EXOC3L4: variants seen among roughly 807,000 people sequenced by gnomAD.
The protein encoded by EXOC3L4 is exocyst complex component 3 like 4.
Under a neutral mutation model 69.7 loss-of-function variants are expected in EXOC3L4, and 62 were observed. The ratio of observed to expected loss-of-function variants is 0.89; its 90% CI spans 0.72 to 1.10. The LOEUF (loss-of-function observed/expected upper bound fraction) is 1.10, where lower values mean the gene tolerates loss of function less well. Among genes scored for constraint, EXOC3L4 ranks in the 50% least tolerant of loss-of-function variants. The pLI, the probability that EXOC3L4 is intolerant of heterozygous loss-of-function variation, is 0.00. For synonymous variants in EXOC3L4, 502 were observed against 464.2 expected, an observed-to-expected ratio of 1.08 and a Z score of -1.05; for missense variants, 1,087 against 1,034.8, an observed-to-expected ratio of 1.05 and a Z score of -0.69.
chr14:103,096,192 A>G (rs1373625088), intron 1 of EXOC3L4, among the ~76,000 whole-genome samples: 1 of 152,078 alleles, frequency 6.6e-6, no homozygotes, highest in African/African-American at 2.4e-5. Flanking sequence ...TGTCTCTACA[A>G]AAAATATAAA....
At chr14:103,095,874 T>C (rs911107430) in intron 1 of EXOC3L4, among the ~76,000 whole-genome samples, 1 of 152,236 alleles carries the variant, frequency 6.6e-6, no homozygotes, top group African/African-American at 2.4e-5. Flanking sequence ...CTATGAATAA[T>C]GACAGTTTAA....
chr14:103,100,733 G>A (rs1890142855), intron 2 of EXOC3L4, 120 bp downstream of exon 2: 3 of 1,272,286 alleles, frequency 2.4e-6, no homozygotes, highest in Admixed American at 5.7e-5. Context: ...CCCCGAACAT[G>A]TGCAATTCTT....
chr14:103,104,493 C>T lies in EXOC3L4; in HGVS notation c.1284+104C>T, dbSNP rs1468917347. On this transcript the variant is annotated intron_variant, in intron 5 of 11. Coordinates refer to ENST00000688303, the MANE Select transcript of EXOC3L4 (RefSeq NM_001077594.2). ...CCTATCCAGTCCCAACCAACCCTTC[C>T]GTTAGATGGGAGCCTGAGGCCCCAC... 1.2e-5 allele frequency: 17 copies of T among 1,393,272 alleles called. No individual in the cohort carries two copies. In the Admixed American group the frequency reaches 3.5e-4, roughly 29 times the overall value. The allele number at this position is 1,393,272 out of a possible 1,614,324, so 86.3% of individuals were successfully genotyped here.
chr14:103,105,467 T>C (rs1313738906), intron 7 of EXOC3L4, among the ~76,000 whole-genome samples: 2 of 151,484 alleles, frequency 1.3e-5, no homozygotes, highest in Admixed American at 6.6e-5. Context: ...GCGTGTGTCT[T>C]GTGTGTGTGT....
rs1247792091 is a variant in EXOC3L4, at chr14:103,102,230, G to A, written c.507G>A (p.Glu169=). The part of the protein sequence containing the change: ...LVAEKASRTF[E]QDPTAFARRA... The stretch of plus-strand genomic sequence containing the variant: ...CCGAGAAGGCCTCGCGCACCTTTGA[G>A]CAGGACCCTACGGCCTTCGCGCGGC... Residue 169 remains glutamate (E), a synonymous_variant, in exon 3 of 12, where the codon GAG becomes GAA. Coordinates refer to ENST00000688303, the MANE Select transcript of EXOC3L4 (RefSeq NM_001077594.2). 1.3e-6 allele frequency: 2 copies of A among 1,591,326 alleles called. No homozygotes were observed. The highest frequency in any genetic ancestry group is 2.3e-5 in the East Asian group (1 of 43,390).
chr14:103,107,148 G>A (rs1004421345), intron 8 of EXOC3L4, among the ~76,000 whole-genome samples: 2 of 152,168 alleles, frequency 1.3e-5, no homozygotes, highest in Admixed American at 1.3e-4. Context: ...GTGGGTCCAC[G>A]GATCCAGGCC....
intron 6 of EXOC3L4, 47 bp downstream of exon 6, chr14:103,104,885 T>G (rs1334129769): frequency 6.5e-7 from 1 of 1,541,728 alleles, no homozygotes; most frequent in Non-Finnish European, 8.8e-7. Context: ...GGGTGCGCTC[T>G]GCAGGTGGGA....
In EXOC3L4 at chr14:103,100,573, A is replaced by G. The variant is rs1890128174; in HGVS notation, c.354A>G (p.Ala118=). Residue 118 remains alanine, a synonymous_variant, in exon 2 of 12, where the codon GCA becomes GCG. Transcript: ENST00000688303. The part of the protein sequence containing the change: ...SGVMNGVSQQ[A]STGAASEELK... ...TCATGAATGGTGTCAGCCAGCAGGC[A>G]TCCACTGGGGCAGCGTCTGAGGAAC... 2 of 1,609,828 alleles carry G rather than the reference A, an allele frequency of 1.2e-6. No homozygotes were observed. The highest frequency in any genetic ancestry group is 1.7e-6 in the Non-Finnish European group (2 of 1,177,288).
At position 103,110,531 on chromosome 14, in the gene EXOC3L4, T is replaced by C. The variant is rs1223084970; in HGVS notation, c.*308T>C. ...CAGTCTGAAAGTGAAGAGCAGAGTA[T>C]TTATTTAAAAAATAAATGTGAATTA... On this transcript the variant is annotated 3_prime_UTR_variant, in exon 12 of 12. Transcript: ENST00000688303. 6.5e-6 allele frequency: 3 copies of C among 462,426 alleles called. No homozygotes were observed. The highest frequency in any genetic ancestry group is 4.9e-5 in the East Asian group (1 of 20,494). The allele number at this position is 462,426 out of a possible 1,614,324, so 28.6% of individuals were successfully genotyped here.
rs746896434 is a variant in EXOC3L4 at position 103,100,295 on chromosome 14, G to C, written c.76G>C (p.Ala26Pro). 1.0e-5 allele frequency: 16 copies of C among 1,581,198 alleles called. No individual in the cohort carries two copies. The East Asian group carries it at 3.7e-4, about 36-fold the overall frequency. Reference protein sequence around the residue: ...PKEAEEPQTPAQGSRRTSSRK... With the variant: ...PKEAEEPQTPPQGSRRTSSRK... ...GGAGGCTGAGGAGCCACAGACTCCA[G>C]CTCAGGGCTCCCGGCGAACAAGCAG... Residue 26 changes from alanine (A) to proline (P), a missense_variant, in exon 2 of 12, where the codon GCT (alanine) becomes CCT (proline). Coordinates refer to ENST00000688303, the MANE Select transcript of EXOC3L4 (RefSeq NM_001077594.2).
intron 10 of EXOC3L4, 125 bp downstream of exon 10, chr14:103,107,908 C>A: frequency 1.5e-6 from 2 of 1,366,876 alleles, no homozygotes; most frequent in South Asian, 3.1e-5. Context: ...TCAGGTGGAA[C>A]AGGGACTGGG....
intron 2 of EXOC3L4, 125 bp downstream of exon 2, chr14:103,100,738 ATTCT>A (rs1465903570): frequency 8.0e-7 from 1 of 1,251,386 alleles, no homozygotes; most frequent in African/African-American, 1.5e-5. Context: ...AACATGTGCA[ATTCT>A]TTATTTATTT....
chr14:103,104,682 C>T, intron 5 of EXOC3L4, 56 bp from the exon 6 acceptor site: 3 of 1,395,820 alleles, frequency 2.1e-6, no homozygotes, highest in South Asian at 1.5e-5. Context: ...ACCAGGGGAC[C>T]CGCGGCCTCA....
At chr14:103,104,875 G>C in intron 6 of EXOC3L4, 37 bp downstream of exon 6, 1 of 1,528,314 alleles carries the variant, frequency 6.5e-7, no homozygotes, top group Non-Finnish European at 8.8e-7. Flanking sequence ...CGACCTGGCC[G>C]GGTGCGCTCT....
Position 103,108,371 on chromosome 14 carries a change from G to A in EXOC3L4, c.1855-25G>A, listed in dbSNP as rs777358465. On this transcript the variant is annotated intron_variant, in intron 10 of 11. Coordinates refer to ENST00000688303, the MANE Select transcript of EXOC3L4 (RefSeq NM_001077594.2). Reference sequence around the variant, plus strand: ...GCAGCGGTGGGGAGAGGGCTGTTGGGGCAGGCGGTGGCTCTGTCTCGCAGG... The same window carrying A: ...GCAGCGGTGGGGAGAGGGCTGTTGGAGCAGGCGGTGGCTCTGTCTCGCAGG... 13 of 1,610,084 alleles carry A rather than the reference G, an allele frequency of 8.1e-6. 1 individual carries two copies. The Admixed American group carries it at 1.8e-4, about 23-fold the overall frequency.
rs1889968578 is a variant in EXOC3L4 at position 103,097,870 on chromosome 14, C to G, written c.-16-2334C>G. On this transcript the variant is annotated intron_variant, in intron 1 of 11. Transcript: ENST00000688303. The surrounding 1 kb of genome is among the most constrained non-coding windows in gnomAD (Gnocchi z 4.9). Reference sequence around the variant, plus strand: ...GTGGGGTGCAGGTTGTCCGTGAACCCCAGGGGAAGCTGGTGAGGTGTCATC... The same window carrying G: ...GTGGGGTGCAGGTTGTCCGTGAACCGCAGGGGAAGCTGGTGAGGTGTCATC... Among the ~76,000 whole-genome samples the G allele has an allele frequency of 6.6e-6, 1 of 151,758 alleles. No individual in the cohort carries two copies. Among genetic ancestry groups the G allele is most frequent in the Non-Finnish European group, 1.5e-5 (1 of 67,936 alleles).
rs1448975984 is a variant in EXOC3L4, at chr14:103,107,777, G to C, written c.1848G>C (p.Gln616His). The C allele has an allele frequency of 5.9e-6, 9 of 1,519,342 alleles. No homozygotes were observed. The East Asian group carries it at 2.0e-4, about 33-fold the overall frequency. 94.1% of individuals were successfully genotyped at this position (1,519,342 alleles called of 1,614,324 possible). Residue 616 changes from glutamine to histidine, a missense_variant, in exon 10 of 12, where the codon CAG (glutamine) becomes CAC (histidine). Coordinates refer to ENST00000688303, the MANE Select transcript of EXOC3L4 (RefSeq NM_001077594.2). The part of the protein sequence containing the change: ...LDAQAISDTF[Q>H]GLGSEATWLD... ...CCCAGGCCATCAGCGACACCTTCCAGGGCCTGGTAGGGGCGGCATGACTGC... is the reference window on the plus strand; with the variant it reads ...CCCAGGCCATCAGCGACACCTTCCACGGCCTGGTAGGGGCGGCATGACTGC...
chr14:103,097,862 C>G lies in EXOC3L4; in HGVS notation c.-16-2342C>G, dbSNP rs183095297. 2.0e-5 allele frequency among the ~76,000 whole-genome samples: 3 copies of G among 151,848 alleles called. No homozygotes were observed. Among genetic ancestry groups the G allele is most frequent in the Non-Finnish European group, 4.4e-5 (3 of 67,990 alleles). On this transcript the variant is annotated intron_variant, in intron 1 of 11. Transcript: ENST00000688303. This position sits in a 1 kb window ranked among gnomAD's most constrained non-coding sequence, Gnocchi z 4.9. ...GAAGCTGGGTGGGGTGCAGGTTGTC[C>G]GTGAACCCCAGGGGAAGCTGGTGAG...
At chr14:103,100,836 A>G (rs1781138394) in intron 2 of EXOC3L4, among the ~76,000 whole-genome samples, 1 of 152,000 alleles carries the variant, frequency 6.6e-6, no homozygotes, top group Non-Finnish European at 1.5e-5. Flanking sequence ...CCTGGGCTCA[A>G]GCGATCCTCC....
Sources: gnomAD v4.1 joint callset for allele counts (sites outside exome capture counted in the v4.1 genomes callset) on GRCh38, gnomAD v4.1.1 for gene constraint, Gnocchi (gnomAD v3.1) non-coding constraint, MANE v1.5 for transcripts, NCBI Gene and HGNC (gene_info 2026-07-23, HGNC 2026-07-21) for gene names.